Variants in SDK1 observed in about 807,000 individuals in gnomAD.
The protein encoded by SDK1 is protein sidekick-1.
Under a neutral mutation model 245.5 loss-of-function variants are expected in SDK1, and 157 were observed. The observed-to-expected ratio is 0.64, with a 90% confidence interval of 0.56 to 0.73. The LOEUF (loss-of-function observed/expected upper bound fraction) is 0.73. Ranked by LOEUF, SDK1 falls within the 30% of genes least tolerant of loss-of-function variation. The pLI, the probability that SDK1 is intolerant of heterozygous loss-of-function variation, is 0.00. For synonymous variants in SDK1, 1,647 were observed against 1,278.5 expected (o/e 1.29, Z -6.15); for missense variants, 3,583 against 3,002.3 (o/e 1.19, Z -4.52).
At chr7:4,260,341 G>T (rs13242139) in intron 44 of SDK1, among the ~76,000 whole-genome samples, 167 of 84,830 alleles carry the variant, frequency 2.0e-3, no homozygotes, top group East Asian at 2.9e-3. Flanking sequence ...CCGGGGCCTC[G>T]GTGTGTGTGG....
At chr7:3,358,944 G>GT (rs147234168) in intron 1 of SDK1, among the ~76,000 whole-genome samples, 2 of 152,164 alleles carry the variant, frequency 1.3e-5, no homozygotes, top group Non-Finnish European at 2.9e-5. Flanking sequence ...CATTGGTGCA[G>GT]TTTTTTTCCC....
chr7:3,791,083 A>G (rs1781067059), intron 4 of SDK1, among the ~76,000 whole-genome samples: 2 of 152,076 alleles, frequency 1.3e-5, no homozygotes, highest in African/African-American at 2.4e-5. Context: ...GGGGAGTGAC[A>G]AAAATTATTT....
intron 1 of SDK1, among the ~76,000 whole-genome samples, chr7:3,511,778 C>G (rs1324264254): frequency 1.4e-5 from 2 of 146,480 alleles, no homozygotes; most frequent in Admixed American, 1.4e-4. Flanking sequence ...TCTTAGGCAG[C>G]CACTGTTTTT....
At chr7:3,856,539 C>A (rs1298976282) in intron 5 of SDK1, among the ~76,000 whole-genome samples, 1 of 150,752 alleles carries the variant, frequency 6.6e-6, no homozygotes, top group African/African-American at 2.4e-5. Context: ...GCTTGCAATC[C>A]CAGTACTTTG....
intron 1 of SDK1, among the ~76,000 whole-genome samples, chr7:3,597,194 C>T (rs1377573778): frequency 6.6e-6 from 1 of 150,538 alleles, no homozygotes; most frequent in African/African-American, 2.5e-5. Flanking sequence ...ATGGCGTGAA[C>T]CCGGGAGGCG....
chr7:3,328,018 A>C (rs978772530), intron 1 of SDK1, among the ~76,000 whole-genome samples: 1 of 152,112 alleles, frequency 6.6e-6, no homozygotes, highest in African/African-American at 2.4e-5. Flanking sequence ...GAGGCTGTGA[A>C]AATTAGATTA....
intron 17 of SDK1, among the ~76,000 whole-genome samples, chr7:4,038,858 A>G (rs560784596): frequency 8.5e-5 from 13 of 152,364 alleles, no homozygotes; most frequent in African/African-American, 3.1e-4. Context: ...AGGTGCTGGC[A>G]TAATTTGCCT....
chr7:4,135,971 A>C (rs1249708137), intron 28 of SDK1, among the ~76,000 whole-genome samples: 6 of 152,308 alleles, frequency 3.9e-5, no homozygotes, highest in Non-Finnish European at 7.3e-5. Flanking sequence ...TCTTGCCGAC[A>C]AGAGAAAGAA....
intron 35 of SDK1, among the ~76,000 whole-genome samples, chr7:4,190,097 T>G (rs1263494694): frequency 6.6e-6 from 1 of 152,224 alleles, no homozygotes; most frequent in African/African-American, 2.4e-5. Flanking sequence ...GACGCCAGTT[T>G]GAAAACATGT....
chr7:3,630,839 T>C (rs918060470), intron 2 of SDK1, among the ~76,000 whole-genome samples: 13 of 151,978 alleles, frequency 8.6e-5, no homozygotes, highest in African/African-American at 3.2e-4. Context: ...TCCAAACTTA[T>C]CCCTTGGTGA....
chr7:3,420,364 A>G (rs1308729850), intron 1 of SDK1, among the ~76,000 whole-genome samples: 1 of 152,196 alleles, frequency 6.6e-6, no homozygotes, highest in East Asian at 1.9e-4. Flanking sequence ...TACAACTCAG[A>G]TCGTTTCAAC....
At chr7:4,060,583 G>C (rs898885718) in intron 19 of SDK1, among the ~76,000 whole-genome samples, 2 of 151,824 alleles carry the variant, frequency 1.3e-5, no homozygotes, top group Non-Finnish European at 1.5e-5. Context: ...TTCTCCCATT[G>C]TGTAGGTTGC....
intron 5 of SDK1, among the ~76,000 whole-genome samples, chr7:3,871,098 G>A (rs1363954457): frequency 6.6e-6 from 1 of 151,482 alleles, no homozygotes; most frequent in East Asian, 1.9e-4. Flanking sequence ...GTAGTGTTTA[G>A]CAGATAGATC....
chr7:3,878,011 G>C (rs1454748454), intron 5 of SDK1, among the ~76,000 whole-genome samples: 1 of 152,124 alleles, frequency 6.6e-6, no homozygotes, highest in African/African-American at 2.4e-5. Context: ...TAAATAATGA[G>C]ACATATCACC....
chr7:3,498,751 T>C (rs1255952473), intron 1 of SDK1, among the ~76,000 whole-genome samples: 3 of 151,994 alleles, frequency 2.0e-5, no homozygotes, highest in Admixed American at 6.5e-5. Context: ...TTTTTCCCCT[T>C]TACTCCCTCC....
At position 3,874,806 on chromosome 7, in the gene SDK1, T is replaced by C. The variant is rs78540026; in HGVS notation, c.847+53223T>C. 7.8e-3 allele frequency among the ~76,000 whole-genome samples: 1,192 copies of C among 152,284 alleles called. 18 individuals are homozygous for C. The highest frequency in any genetic ancestry group is 0.027 in the African/African-American group (1,118 of 41,554). On this transcript the variant is annotated intron_variant, in intron 5 of 44. Coordinates refer to ENST00000404826, the MANE Select transcript of SDK1 (RefSeq NM_152744.4). ...CTAGCAGTGCCTTAAAGCTTTAGTTTTTTGTCCTTCACCCTATAGATTAAA... is the reference window on the plus strand; with the variant it reads ...CTAGCAGTGCCTTAAAGCTTTAGTTCTTTGTCCTTCACCCTATAGATTAAA...
At chr7:3,664,822 A>G (rs957788373) in intron 4 of SDK1, among the ~76,000 whole-genome samples, 1 of 152,176 alleles carries the variant, frequency 6.6e-6, no homozygotes, top group African/African-American at 2.4e-5. Flanking sequence ...TGTTCTAATA[A>G]CTTGGCATCT....
chr7:4,173,335 C>T (rs914564801), intron 32 of SDK1, among the ~76,000 whole-genome samples: 1 of 152,192 alleles, frequency 6.6e-6, no homozygotes, highest in Non-Finnish European at 1.5e-5. Context: ...CCTTCTCAGT[C>T]TCAGATTTGT....
At chr7:3,479,083 A>G (rs964707725) in intron 1 of SDK1, among the ~76,000 whole-genome samples, 10 of 152,314 alleles carry the variant, frequency 6.6e-5, no homozygotes, top group Admixed American at 1.3e-4. Flanking sequence ...ATGGTCCAGT[A>G]TGTGGTCACT....
Sources: allele counts gnomAD v4.1 joint callset (sites outside exome capture counted in the v4.1 genomes callset), GRCh38; gene constraint gnomAD v4.1.1; transcripts MANE v1.5; gene names NCBI Gene and HGNC (gene_info 2026-07-23, HGNC 2026-07-21).